DMXL2: variants seen among roughly 807,000 people sequenced by gnomAD.
DMXL2 encodes the protein Dmx like 2.
In DMXL2, 103 loss-of-function variants were observed where a neutral mutation model predicts 331.1. That is an observed-to-expected ratio of 0.31 (90% CI 0.27 to 0.37). DMXL2 has a LOEUF of 0.37. Ranked by LOEUF, DMXL2 falls within the 10% of genes least tolerant of loss-of-function variation. The probability of loss-of-function intolerance (pLI) is 1.00; values close to 1 mark genes in which losing one functional copy is unlikely to be tolerated. For missense variants in DMXL2, 3,171 were observed against 3,642.9 expected, an observed-to-expected ratio of 0.87 and a Z score of 3.33; for synonymous variants, 1,281 against 1,252.1, an observed-to-expected ratio of 1.02 and a Z score of -0.49.
At chr15:51,476,786 C>G in intron 26 of DMXL2, 67 bp from the exon 27 acceptor site, 1 of 1,378,468 alleles carries the variant, frequency 7.3e-7, no homozygotes, top group Non-Finnish European at 9.7e-7. Context: ...TTATGTATAT[C>G]ATCTATTTTA....
intron 37 of DMXL2, among the ~76,000 whole-genome samples, 195 bp downstream of exon 37, chr15:51,457,133 C>T (rs901535073): frequency 6.6e-6 from 1 of 152,210 alleles, no homozygotes; most frequent in Non-Finnish European, 1.5e-5. Context: ...AATTGCACCA[C>T]TGCACTCCAG....
intron 34 of DMXL2, 34 bp downstream of exon 34, chr15:51,459,564 A>C: frequency 7.8e-7 from 1 of 1,288,500 alleles, no homozygotes; most frequent in Non-Finnish European, 1.0e-6. Context: ...TGAACTTTAA[A>C]GAATGAGCTA....
chr15:51,447,985 T>C lies in DMXL2; in HGVS notation c.*999A>G, dbSNP rs1298267326. 6.6e-6 allele frequency: 1 copy of C among 152,624 alleles called. No homozygotes were observed. Among genetic ancestry groups the C allele is most frequent in the Non-Finnish European group, 1.5e-5 (1 of 68,030 alleles). The allele number at this position is 152,624 out of a possible 1,614,324, so 9.5% of individuals were successfully genotyped here. ...ACATTAGTTTCAGTATCTCAACATA[T>C]TTTTGGTCATAACCAAGGAAATACA... On this transcript the variant is annotated 3_prime_UTR_variant, in exon 44 of 44. Coordinates refer to ENST00000560891, the MANE Select transcript of DMXL2 (RefSeq NM_001378457.1).
chr15:51,458,087 C>CAT (rs2039797542), intron 36 of DMXL2: 1 of 165,868 alleles, frequency 6.0e-6, no homozygotes, highest in African/African-American at 2.4e-5. Flanking sequence ...GTGCAGTGTC[C>CAT]ATAGCTTCAA....
intron 36 of DMXL2, 103 bp downstream of exon 36, chr15:51,458,403 G>C: frequency 8.0e-7 from 1 of 1,252,100 alleles, no homozygotes; most frequent in Non-Finnish European, 1.1e-6. Context: ...CCCAAATGAA[G>C]GAGATACACG....
chr15:51,456,276 G>T lies in DMXL2; in HGVS notation c.8398+33C>A, dbSNP rs776283339. On this transcript the variant is annotated intron_variant, in intron 38 of 43. Transcript: ENST00000560891. ...TTCTATAAATCAACCTCCAAATGAG[G>T]ACACTTACAATTATTAGGTCATAAA... is the stretch of plus-strand genomic sequence containing the variant. 2.5e-6 allele frequency: 4 copies of T among 1,594,960 alleles called. No individual in the cohort carries two copies. The South Asian group carries it at 3.4e-5, about 14-fold the overall frequency.
intron 18 of DMXL2, among the ~76,000 whole-genome samples, chr15:51,495,941 T>TA (rs1359674744): frequency 6.6e-6 from 1 of 152,146 alleles, no homozygotes; most frequent in Non-Finnish European, 1.5e-5. Context: ...TTTAGCTAGA[T>TA]AGATAGCTAT....
intron 9 of DMXL2, 23 bp from the exon 10 acceptor site, chr15:51,538,475 A>G (rs755065004): frequency 6.5e-7 from 1 of 1,535,206 alleles, no homozygotes; most frequent in Non-Finnish European, 8.8e-7. Flanking sequence ...AAGAGATTTC[A>G]ATATAATTTT....
At chr15:51,478,533 A>C (rs1567004221) in intron 25 of DMXL2, among the ~76,000 whole-genome samples, 186 bp from the exon 26 acceptor site, 1 of 152,180 alleles carries the variant, frequency 6.6e-6, no homozygotes. Context: ...CACATGCCAC[A>C]ATAAAGCTGA....
intron 1 of DMXL2, among the ~76,000 whole-genome samples, chr15:51,581,868 G>A (rs1307420813): frequency 2.0e-5 from 3 of 152,070 alleles, no homozygotes; most frequent in African/African-American, 7.2e-5. Flanking sequence ...ACTGATAAGT[G>A]TCTAAACTTC....
intron 28 of DMXL2, among the ~76,000 whole-genome samples, chr15:51,471,693 G>GT (rs751068109): frequency 1.3e-5 from 2 of 152,156 alleles, no homozygotes; most frequent in Non-Finnish European, 2.9e-5. Context: ...AAATATTAAA[G>GT]TGAGTGATTG....
Position 51,481,142 on chromosome 15 carries a change from T to C in DMXL2, c.5964A>G (p.Glu1988=). Residue 1988 remains glutamate, a synonymous_variant, in exon 24 of 44, where the codon GAA becomes GAG. Coordinates refer to ENST00000560891, the MANE Select transcript of DMXL2 (RefSeq NM_001378457.1). ...WGEDHDSALD[E]EEDDAVGLVM... ...CTAAACCAACAGCATCGTCTTCCTCTTCATCTAAGGCACTGTCGTGATCTT... is the reference window on the plus strand; with the variant it reads ...CTAAACCAACAGCATCGTCTTCCTCCTCATCTAAGGCACTGTCGTGATCTT... 6.2e-7 allele frequency: 1 copy of C among 1,612,328 alleles called. No homozygotes were observed. Among genetic ancestry groups the C allele is most frequent in the South Asian group, 1.1e-5 (1 of 90,964 alleles).
intron 18 of DMXL2, among the ~76,000 whole-genome samples, chr15:51,497,643 A>G (rs2043275966): frequency 6.6e-6 from 1 of 152,172 alleles, no homozygotes; most frequent in African/African-American, 2.4e-5. Context: ...CAACACCATT[A>G]CCCTGAACTA....
chr15:51,583,106 CTTTTTTTT>C (rs57226377), intron 1 of DMXL2, among the ~76,000 whole-genome samples: 21 of 87,180 alleles, frequency 2.4e-4, no homozygotes, highest in Admixed American at 1.2e-4. Context: ...CTTCATTCTT[CTTTTTTTT>C]TTTTTTCTTT....
At chr15:51,565,281 C>T (rs546783787) in intron 3 of DMXL2, 115 bp from the exon 4 acceptor site, 2 of 586,346 alleles carry the variant, frequency 3.4e-6, no homozygotes, top group East Asian at 3.3e-5. Flanking sequence ...AGATCTGGAA[C>T]AAAGATGAAA....
At chr15:51,585,586 A>C (rs1473041972) in intron 1 of DMXL2, among the ~76,000 whole-genome samples, 1 of 152,218 alleles carries the variant, frequency 6.6e-6, no homozygotes, top group Admixed American at 6.5e-5. Context: ...ATAAATTCTA[A>C]GATATAATAT....
At chr15:51,450,646 C>A (rs1566968648) in intron 42 of DMXL2, 1 of 364,452 alleles carries the variant, frequency 2.7e-6, no homozygotes, top group Non-Finnish European at 5.2e-6. Flanking sequence ...AGAGCAGAGA[C>A]CAACCTTCTC....
intron 2 of DMXL2, among the ~76,000 whole-genome samples, chr15:51,571,781 A>G (rs1277157848): frequency 6.6e-6 from 1 of 152,216 alleles, no homozygotes; most frequent in African/African-American, 2.4e-5. Flanking sequence ...GGACACATTC[A>G]AAGCAGTGTG....
intron 1 of DMXL2, among the ~76,000 whole-genome samples, chr15:51,608,533 G>T (rs2053747976): frequency 6.6e-6 from 1 of 152,108 alleles, no homozygotes; most frequent in Non-Finnish European, 1.5e-5. Flanking sequence ...ATTTATAAGT[G>T]GAAGCTAAAC....
Sources: allele counts gnomAD v4.1 joint callset (sites outside exome capture counted in the v4.1 genomes callset), GRCh38; gene constraint gnomAD v4.1.1; transcripts MANE v1.5; gene names NCBI Gene and HGNC (gene_info 2026-07-23, HGNC 2026-07-21).